The following WT1 variants were observed in gnomAD, a reference collection of about 807,000 sequenced individuals.
The protein encoded by WT1 is Wilms tumor protein.
A neutral mutation model predicts 60.8 loss-of-function variants in WT1; 8 were observed. The ratio of observed to expected loss-of-function variants is 0.13; its 90% CI spans 0.08 to 0.24. The LOEUF (loss-of-function observed/expected upper bound fraction) is 0.24. WT1 is among the 10% of genes least tolerant of loss of function. WT1 has a pLI of 1.00. For missense variants in WT1, 568 were observed against 711.8 expected, an observed-to-expected ratio of 0.80 and a Z score of 2.30; for synonymous variants, 312 against 297.1, an observed-to-expected ratio of 1.05 and a Z score of -0.52.
chr11:32,397,039 A>C (rs1278204589), intron 6 of WT1, among the ~76,000 whole-genome samples: 1 of 152,232 alleles, frequency 6.6e-6, no homozygotes, highest in Non-Finnish European at 1.5e-5. Context: ...AAAGCACTGG[A>C]ATCCATCTGC....
chr11:32,389,208 C>A (rs1177567120), intron 9 of WT1, 29 bp from the exon 10 acceptor site: 1 of 1,613,842 alleles, frequency 6.2e-7, no homozygotes, highest in African/African-American at 1.3e-5. Flanking sequence ...GTCAGAGACA[C>A]TTGCAACAAA....
chr11:32,415,273 G>A (rs1275096312), intron 5 of WT1, among the ~76,000 whole-genome samples: 1 of 152,168 alleles, frequency 6.6e-6, no homozygotes, highest in Non-Finnish European at 1.5e-5. Context: ...ATCAAGTTCT[G>A]AGGAGAGGAG....
At chr11:32,431,748 C>CTT (rs1853320010) in intron 1 of WT1, among the ~76,000 whole-genome samples, 1 of 152,074 alleles carries the variant, frequency 6.6e-6, no homozygotes, top group Non-Finnish European at 1.5e-5. Context: ...TTAAGCCTTG[C>CTT]ATCTAGTCTG....
At chr11:32,416,997 G>A (rs1852694874) in intron 4 of WT1, among the ~76,000 whole-genome samples, 1 of 152,176 alleles carries the variant, frequency 6.6e-6, no homozygotes, top group South Asian at 2.1e-4. Flanking sequence ...CTCTTTCAAT[G>A]GTGAAAGCAA....
At position 32,417,563 on chromosome 11, in the gene WT1, A is replaced by G. The variant is rs369920807; in HGVS notation, c.965+14T>C. The G allele has an allele frequency of 4.0e-5, 65 of 1,609,572 alleles. No homozygotes were observed. In the East Asian group the frequency reaches 7.4e-4, roughly 18 times the overall value. On this transcript the variant is annotated intron_variant, in intron 4 of 9. Transcript: ENST00000452863. ...AGTTACTGTGGAAAGGCAATGGAAT[A>G]GAGAAAACCTTACCCCTTTAAGGTG...
intron 5 of WT1, among the ~76,000 whole-genome samples, chr11:32,413,708 T>C (rs1852574158): frequency 6.6e-6 from 1 of 152,222 alleles, no homozygotes; most frequent in African/African-American, 2.4e-5. Context: ...CATAAGAGTA[T>C]TGCTCAGTGA....
Position 32,396,398 on chromosome 11 carries a change from G to A in WT1, c.1123C>T (p.Arg375Cys), listed in dbSNP as rs1172760612. Residue 375 changes from arginine to cysteine, a missense_variant, in exon 7 of 10, where the codon CGT becomes TGT. Physicochemically the swap from Arg to Cys is radical, Grantham distance 180. Around this residue, in one of 3 missense-constraint regions of WT1, gnomAD observed 523 missense variants for 565.1 expected, o/e 0.93. Transcript: ENST00000452863. The stretch of plus-strand genomic sequence containing the variant: ...AGAGTCGGGGCTACTCCAGGCACAC[G>A]TCGCACATCCTGCAGGCAGAGAGTA... 3 of 1,613,860 alleles carry A rather than the reference G, an allele frequency of 1.9e-6. No individual in the cohort carries two copies. The highest frequency in any genetic ancestry group is 1.3e-5 in the African/African-American group (1 of 74,918).
intron 5 of WT1, among the ~76,000 whole-genome samples, chr11:32,415,291 AAAAGGAAGGGAGCCAG>A (rs1852629617): frequency 1.3e-5 from 2 of 152,282 alleles, no homozygotes; most frequent in South Asian, 4.1e-4. Context: ...GAGAAAGGAG[AAAAGGAAGGGAGCCAG>A]AAAGAAAGGG....
intron 2 of WT1, 52 bp downstream of exon 2, chr11:32,428,445 A>G (rs2133074630): frequency 6.2e-7 from 1 of 1,612,380 alleles, no homozygotes; most frequent in South Asian, 1.1e-5. Flanking sequence ...GGGGGAGAGG[A>G]GGATAGCACG....
intron 5 of WT1, among the ~76,000 whole-genome samples, chr11:32,416,171 A>G (rs530703892): frequency 7.2e-5 from 11 of 152,370 alleles, no homozygotes; most frequent in African/African-American, 2.6e-4. Flanking sequence ...ATCTAACAGG[A>G]ACATGTGGCA....
intron 5 of WT1, among the ~76,000 whole-genome samples, chr11:32,401,730 G>C (rs1590348364): frequency 6.6e-6 from 1 of 152,032 alleles, no homozygotes; most frequent in African/African-American, 2.4e-5. Flanking sequence ...AGTAGAGATG[G>C]GGTTTCACCA....
At chr11:32,406,772 T>C (rs1453675211) in intron 5 of WT1, among the ~76,000 whole-genome samples, 2 of 152,192 alleles carry the variant, frequency 1.3e-5, no homozygotes, top group South Asian at 2.1e-4. Flanking sequence ...AAATGTATCC[T>C]GAGAAAATTT....
At chr11:32,434,465 C>A (rs1035029067) in intron 1 of WT1, among the ~76,000 whole-genome samples, 1 of 152,226 alleles carries the variant, frequency 6.6e-6, no homozygotes, top group Non-Finnish European at 1.5e-5. Flanking sequence ...CCGGCTCTTG[C>A]GAACAGTCAG....
intron 1 of WT1, chr11:32,430,435 A>AGAGAGAGAGGGAGGGG: frequency 8.8e-7 from 1 of 1,140,972 alleles, no homozygotes. Context: ...ACAGACACAG[A>AGAGAGAGAGGGAGGGG]GAGAGAGAGA....
In WT1 at chr11:32,388,071, T is replaced by G. The variant is rs1851709795; in HGVS notation, c.*987A>C. On this transcript the variant is annotated 3_prime_UTR_variant, in exon 10 of 10. Transcript: ENST00000452863. ...TTAAACAATGGATTTCCTCACCCAGTAAGTCTCATTTTTTTCACATATACT... is the reference window on the plus strand; with the variant it reads ...TTAAACAATGGATTTCCTCACCCAGGAAGTCTCATTTTTTTCACATATACT... 4.3e-6 allele frequency: 1 copy of G among 230,830 alleles called. No individual in the cohort carries two copies. The highest frequency in any genetic ancestry group is 2.2e-5 in the African/African-American group (1 of 45,002). 14.3% of individuals were successfully genotyped at this position (230,830 alleles called of 1,614,324 possible). A position where few individuals can be genotyped will look rare whatever the true frequency, so the allele number is the denominator to read the frequency against.
chr11:32,396,220 C>T (rs1336944471), intron 7 of WT1, 37 bp downstream of exon 7: 1 of 1,613,878 alleles, frequency 6.2e-7, no homozygotes, highest in African/African-American at 1.3e-5. Flanking sequence ...AGCTCTTGAA[C>T]CATGTTTGCC....
At chr11:32,413,733 T>C (rs1032195670) in intron 5 of WT1, among the ~76,000 whole-genome samples, 5 of 152,194 alleles carry the variant, frequency 3.3e-5, no homozygotes, top group African/African-American at 9.7e-5. Flanking sequence ...CTATGTTGTG[T>C]GTGTGTATGT....
At chr11:32,429,930 C>T (rs908394383) in intron 1 of WT1, among the ~76,000 whole-genome samples, 3 of 147,082 alleles carry the variant, frequency 2.0e-5, no homozygotes, top group African/African-American at 7.5e-5. Flanking sequence ...CCTCCATTTT[C>T]GAAACACACA....
intron 5 of WT1, among the ~76,000 whole-genome samples, chr11:32,415,287 G>A (rs370627165): frequency 5.7e-4 from 87 of 152,256 alleles, no homozygotes; most frequent in Middle Eastern, 3.4e-3. Context: ...AGAGGAGAAA[G>A]GAGAAAAGGA....
Sources: allele counts gnomAD v4.1 joint callset (sites outside exome capture counted in the v4.1 genomes callset), GRCh38; gene constraint gnomAD v4.1.1; regional missense constraint gnomAD v4.1.1; transcripts MANE v1.5; gene names NCBI Gene and HGNC (gene_info 2026-07-23, HGNC 2026-07-21).